The following BCOR variants were observed in gnomAD, a reference collection of about 807,000 sequenced individuals.
BCOR encodes the protein BCL-6 corepressor.
Under a neutral mutation model 86.7 loss-of-function variants are expected in BCOR, and 10 were observed. That is an observed-to-expected ratio of 0.12 (90% CI 0.07 to 0.20). The LOEUF (loss-of-function observed/expected upper bound fraction) is 0.20. BCOR is among the 10% of genes least tolerant of loss of function. The pLI, the probability that BCOR is intolerant of heterozygous loss-of-function variation, is 1.00. For synonymous variants in BCOR, 611 were observed against 609.0 expected (o/e 1.00, Z -0.05); for missense variants, 1,259 against 1,452.1 (o/e 0.87, Z 2.16).
intron 1 of BCOR, among the ~76,000 whole-genome samples, chrX:40,103,956 G>A (rs1937121220): frequency 8.9e-6 from 1 of 111,759 alleles, no homozygotes; most frequent in South Asian, 3.7e-4. Context: ...AAGAAAGAAA[G>A]ATTTTCATTT....
chrX:40,175,543 C>G (rs1938727759), intron 1 of BCOR, among the ~76,000 whole-genome samples: 1 of 113,611 alleles, frequency 8.8e-6, no homozygotes, highest in African/African-American at 3.2e-5. Flanking sequence ...AGCATCTAAT[C>G]AGTGTCACTG....
At chrX:40,064,263 TCTC>T in intron 7 of BCOR, 70 bp downstream of exon 7, 4 of 1,187,024 alleles carry the variant, frequency 3.4e-6, no homozygotes, top group Non-Finnish European at 1.1e-6. Context: ...CACATCCACA[TCTC>T]CTGTCCATCC....
At chrX:40,099,210 C>CG (rs1937022489), upstream of BCOR, among the ~76,000 whole-genome samples, 1 of 78,427 alleles carries the variant, frequency 1.3e-5, no homozygotes, top group South Asian at 7.6e-4. Context: ...GCTCTGGGCG[C>CG]GGGGGGAGGG....
At chrX:40,053,690 C>A (rs1290900963) in intron 14 of BCOR, 196 bp downstream of exon 14, 1 of 485,578 alleles carries the variant, frequency 2.1e-6, no homozygotes, top group Admixed American at 3.1e-5. Flanking sequence ...ATGCTGTGCC[C>A]CACCCCCCAC....
chrX:40,104,523 A>G (rs1317557998), intron 1 of BCOR, among the ~76,000 whole-genome samples: 2 of 109,200 alleles, frequency 1.8e-5, no homozygotes, highest in African/African-American at 6.7e-5. Flanking sequence ...CCCCCGGCCC[A>G]GTGGCTAGCC....
At chrX:40,139,654 A>T (rs1440663460) in intron 1 of BCOR, among the ~76,000 whole-genome samples, 1 of 100,649 alleles carries the variant, frequency 9.9e-6, no homozygotes, top group African/African-American at 3.5e-5. Flanking sequence ...TACTAAAAAT[A>T]CAAAAAATTA....
intron 1 of BCOR, among the ~76,000 whole-genome samples, chrX:40,115,667 T>C (rs1937382030): frequency 9.1e-6 from 1 of 109,595 alleles, no homozygotes; most frequent in African/African-American, 3.3e-5. Flanking sequence ...ATCCCAGCTA[T>C]TCAGGAGGCT....
intron 1 of BCOR, 115 bp from the exon 2 acceptor site, chrX:40,078,084 G>A: frequency 2.0e-6 from 1 of 502,555 alleles, no homozygotes; most frequent in Admixed American, 2.8e-5. Context: ...GGGAAGGCAG[G>A]CTGTGCCTGC....
chrX:40,106,977 T>C (rs1451038019), intron 1 of BCOR, among the ~76,000 whole-genome samples: 1 of 110,740 alleles, frequency 9.0e-6, no homozygotes, highest in African/African-American at 3.3e-5. Context: ...GGTGAAGAAC[T>C]CAGAGTGCGT....
Position 40,062,139 on chromosome X carries a change from C to T in BCOR, c.4428G>A (p.Glu1476=), listed in dbSNP as rs1472484113. Residue 1476 remains glutamate (E), a splice_region_variant and synonymous_variant, in exon 10 of 15, where the codon GAG becomes GAA. Transcript: ENST00000378444. The part of the protein sequence containing the change: ...LLQRAARLGY[E]EVVLYCLENK... Reference sequence around the variant, plus strand: ...CCAGGGAGCGCCCACAGGGACACACCTCATAGCCAAGCCTGGCTGCCCGCT... The same window carrying T: ...CCAGGGAGCGCCCACAGGGACACACTTCATAGCCAAGCCTGGCTGCCCGCT... 1 of 1,199,869 alleles carries T rather than the reference C, an allele frequency of 8.3e-7. No homozygotes were observed. The highest frequency in any genetic ancestry group is 1.1e-6 in the Non-Finnish European group (1 of 889,782).
chrX:40,123,474 TC>T (rs1356641583), intron 1 of BCOR, among the ~76,000 whole-genome samples: 5 of 110,407 alleles, frequency 4.5e-5, no homozygotes, highest in Admixed American at 3.9e-4. Flanking sequence ...TGCCTCAGCC[TC>T]CCGAGTAGCT....
intron 1 of BCOR, among the ~76,000 whole-genome samples, chrX:40,104,927 G>T (rs1476528870): frequency 9.0e-6 from 1 of 111,422 alleles, no homozygotes; most frequent in East Asian, 2.9e-4. Flanking sequence ...GGGCTCAGGC[G>T]GGGAGAGGGT....
intron 1 of BCOR, among the ~76,000 whole-genome samples, chrX:40,094,633 G>C (rs1936770062): frequency 8.8e-6 from 1 of 113,448 alleles, no homozygotes; most frequent in Non-Finnish European, 1.9e-5. Flanking sequence ...GGGAGGAGCA[G>C]CCAGGCAGCG....
intron 1 of BCOR, among the ~76,000 whole-genome samples, chrX:40,148,356 T>A (rs993502982): frequency 9.0e-6 from 1 of 111,421 alleles, no homozygotes; most frequent in Non-Finnish European, 1.9e-5. Flanking sequence ...AGTGTGCTTC[T>A]CCTCCCTCCC....
At chrX:40,090,503 T>C (rs1936556655) in intron 1 of BCOR, among the ~76,000 whole-genome samples, 1 of 112,094 alleles carries the variant, frequency 8.9e-6, no homozygotes, top group African/African-American at 3.2e-5. Flanking sequence ...GGGGAGGCGA[T>C]TCCCCCCAAG....
intron 1 of BCOR, among the ~76,000 whole-genome samples, chrX:40,174,654 A>G (rs1266651531): frequency 8.9e-6 from 1 of 112,643 alleles, no homozygotes; most frequent in Non-Finnish European, 1.9e-5. Context: ...ACCCTCTAAT[A>G]GAAACTACAA....
At chrX:40,109,676 G>A (rs1002159005) in intron 1 of BCOR, among the ~76,000 whole-genome samples, 1 of 112,370 alleles carries the variant, frequency 8.9e-6, no homozygotes, top group Non-Finnish European at 1.9e-5. Context: ...GCCACCGAGC[G>A]GTTTTGCGGA....
At chrX:40,170,076 C>T (rs1938587741) in intron 1 of BCOR, among the ~76,000 whole-genome samples, 1 of 112,316 alleles carries the variant, frequency 8.9e-6, no homozygotes, top group African/African-American at 3.2e-5. Context: ...CACCCCCTCC[C>T]ACAGAGTTTT....
chrX:40,143,521 C>T (rs1418099443), intron 1 of BCOR, among the ~76,000 whole-genome samples: 1 of 112,475 alleles, frequency 8.9e-6, no homozygotes, highest in Non-Finnish European at 1.9e-5. Context: ...AAGCCTTTGT[C>T]TGGCTAGGGA....
Sources: allele counts gnomAD v4.1 joint callset (sites outside exome capture counted in the v4.1 genomes callset), GRCh38; gene constraint gnomAD v4.1.1; transcripts MANE v1.5; gene names NCBI Gene and HGNC (gene_info 2026-07-23, HGNC 2026-07-21).